SLC1A4: variants seen among roughly 807,000 people sequenced by gnomAD.
SLC1A4 encodes the protein neutral amino acid transporter A.
A neutral mutation model predicts 37.7 loss-of-function variants in SLC1A4; 19 were observed. The observed-to-expected ratio is 0.50, with a 90% confidence interval of 0.35 to 0.74. The LOEUF (loss-of-function observed/expected upper bound fraction) is 0.74. Among genes scored for constraint, SLC1A4 ranks in the 30% least tolerant of loss-of-function variants. The probability of loss-of-function intolerance (pLI) is 0.01; values close to 1 mark genes in which losing one functional copy is unlikely to be tolerated. For synonymous variants in SLC1A4, 299 were observed against 309.8 expected (o/e 0.97, Z 0.37); for missense variants, 570 against 712.9 (o/e 0.80, Z 2.28).
At chr2:64,994,009 T>A (rs1306734020) in intron 1 of SLC1A4, among the ~76,000 whole-genome samples, 5 of 152,192 alleles carry the variant, frequency 3.3e-5, no homozygotes, top group Non-Finnish European at 7.3e-5. Flanking sequence ...AGAAGAGGAA[T>A]GTTTAGGGGA....
chr2:65,018,476 T>C lies in SLC1A4; in HGVS notation c.1230-69T>C. On this transcript the variant is annotated intron_variant, in intron 6 of 7. Coordinates refer to ENST00000234256, the MANE Select transcript of SLC1A4 (RefSeq NM_003038.5). This position sits in a 1 kb window ranked among gnomAD's most constrained non-coding sequence, Gnocchi z 4.3. ...AGTTTCCAGCCACATTGCAGCTGCA[T>C]GGTCTGCATTTCTCTGTGTCCACTC... 6.3e-6 allele frequency: 10 copies of C among 1,583,810 alleles called. No individual in the cohort carries two copies. The highest frequency in any genetic ancestry group is 8.6e-6 in the Non-Finnish European group (10 of 1,162,822).
rs755218346 is a variant in SLC1A4, at chr2:65,016,537, G to A, written c.898G>A (p.Ala300Thr). The A allele has an allele frequency of 8.1e-6, 13 of 1,613,980 alleles. No individual in the cohort carries two copies. Among genetic ancestry groups the A allele is most frequent in the Admixed American group, 3.3e-5 (2 of 60,004 alleles). ...LVTSLGKYIF[A>T]SILGHVIHGG... ...GACCAGCCTGGGGAAATACATCTTCGCATCTATATTGGGCCATGTTATTCA... is the reference window on the plus strand; with the variant it reads ...GACCAGCCTGGGGAAATACATCTTCACATCTATATTGGGCCATGTTATTCA... Residue 300 changes from alanine to threonine, a missense_variant, in exon 5 of 8, where the codon GCA (alanine) becomes ACA (threonine). By Grantham distance (58) the Ala-to-Thr change is moderately conservative (BLOSUM62 0). Transcript: ENST00000234256.
chr2:65,016,394 C>A (rs1484910993), intron 4 of SLC1A4, 46 bp from the exon 5 acceptor site: 1 of 1,481,632 alleles, frequency 6.7e-7, no homozygotes, highest in Non-Finnish European at 9.4e-7. Flanking sequence ...CATCTCTCAC[C>A]CCAGCTTTAT....
chr2:65,009,819 G>A (rs1572961089), intron 3 of SLC1A4, among the ~76,000 whole-genome samples: 2 of 152,178 alleles, frequency 1.3e-5, no homozygotes, highest in Non-Finnish European at 2.9e-5. Flanking sequence ...CATGTTGATC[G>A]TGAAAATCTT....
Position 65,020,968 on chromosome 2 carries a change from T to C in SLC1A4, c.1421T>C (p.Leu474Pro), listed in dbSNP as rs753296772. The C allele has an allele frequency of 8.1e-6, 13 of 1,614,000 alleles. No individual in the cohort carries two copies. Among genetic ancestry groups the C allele is most frequent in the Non-Finnish European group, 5.1e-6 (6 of 1,180,032 alleles). ...GGGGATGCCCTGGGTGCAGGCATTC[T>C]CCACCACCTGAATCAGAAGGCAACA... is the stretch of plus-strand genomic sequence containing the variant. ...VEGDALGAGI[L>P]HHLNQKATKK... The change falls in exon 8 of 8, where the codon CTC (leucine) becomes CCC (proline). Residue 474 changes from leucine to proline, a missense_variant. Leu to Pro is a moderately conservative substitution (Grantham distance 98). Coordinates refer to ENST00000234256, the MANE Select transcript of SLC1A4 (RefSeq NM_003038.5).
chr2:65,017,571 C>T (rs1306082097), intron 5 of SLC1A4, among the ~76,000 whole-genome samples: 2 of 152,080 alleles, frequency 1.3e-5, no homozygotes, highest in East Asian at 3.9e-4. Context: ...CACCAACTAA[C>T]CTCTGCAGAG....
At chr2:64,998,282 G>A (rs376019893) in intron 1 of SLC1A4, among the ~76,000 whole-genome samples, 25 of 151,546 alleles carry the variant, frequency 1.6e-4, no homozygotes, top group East Asian at 5.8e-4. Context: ...TTAGCCGGGC[G>A]TGGTGGTGCA....
intron 1 of SLC1A4, chr2:65,000,640 C>CA (rs1270240713): frequency 2.0e-5 from 3 of 152,148 alleles, no homozygotes; most frequent in African/African-American, 7.2e-5. Flanking sequence ...CAAAGCAAAA[C>CA]AAAAACCACC....
chr2:65,020,493 C>T (rs909585686), intron 7 of SLC1A4, among the ~76,000 whole-genome samples: 2 of 152,178 alleles, frequency 1.3e-5, no homozygotes, highest in Non-Finnish European at 2.9e-5. Context: ...TCTCAAACTC[C>T]TGGCCTTAAA....
Position 65,018,084 on chromosome 2 carries a change from C to T in SLC1A4, c.1048C>T (p.Pro350Ser). ...TCCCATTTCTAGCTCAGCGACCCTT[C>T]CCTCTATGATGAAGTGCATTGAAGA... ...FATCSSSATLPSMMKCIEENN... is the reference protein window; with the variant it reads ...FATCSSSATLSSMMKCIEENN... Residue 350 changes from proline (P) to serine (S), a missense_variant, in exon 6 of 8, where the codon CCC (proline) becomes TCC (serine). By Grantham distance (74) the Pro-to-Ser change is moderately conservative. Coordinates refer to ENST00000234256, the MANE Select transcript of SLC1A4 (RefSeq NM_003038.5). The surrounding 1 kb of genome is among the most constrained non-coding windows in gnomAD (Gnocchi z 4.3). The T allele has an allele frequency of 8.7e-6, 14 of 1,613,278 alleles. No individual in the cohort carries two copies. Among genetic ancestry groups the T allele is most frequent in the Non-Finnish European group, 1.2e-5 (14 of 1,179,356 alleles).
At chr2:64,997,674 G>A (rs1009080299) in intron 1 of SLC1A4, among the ~76,000 whole-genome samples, 4 of 152,160 alleles carry the variant, frequency 2.6e-5, no homozygotes, top group Non-Finnish European at 4.4e-5. Context: ...GTGGTATTCC[G>A]TTGTATGGAG....
chr2:65,013,200 T>C (rs1021427511), intron 4 of SLC1A4, among the ~76,000 whole-genome samples: 1 of 152,174 alleles, frequency 6.6e-6, no homozygotes, highest in African/African-American at 2.4e-5. Flanking sequence ...GATACGTCCA[T>C]GTTAGGACAT....
intron 1 of SLC1A4, chr2:65,000,326 A>G (rs1422017073): frequency 6.6e-6 from 1 of 152,220 alleles, no homozygotes; most frequent in Non-Finnish European, 1.5e-5. Context: ...TAATATCCTT[A>G]ATTCTAAGAT....
chr2:64,995,683 T>TACAATAAATTTTTACA (rs1372392622), intron 1 of SLC1A4, among the ~76,000 whole-genome samples: 42 of 152,242 alleles, frequency 2.8e-4, no homozygotes, highest in Non-Finnish European at 5.7e-4. Context: ...AATAAATATT[T>TACAATAAATTTTTACA]ATCAGGTGTA....
intron 7 of SLC1A4, among the ~76,000 whole-genome samples, chr2:65,019,549 A>T (rs1674323123): frequency 6.6e-6 from 1 of 152,066 alleles, no homozygotes; most frequent in South Asian, 2.1e-4. Context: ...AAAGAAAGAC[A>T]CTCCAGACCA....
At position 65,010,687 on chromosome 2, in the gene SLC1A4, T is replaced by G. The variant is rs939252470; in HGVS notation, c.724T>G (p.Ser242Ala). ...AGGAGTGGCCTTAAAGAAACTAGGCTCCGAAGGAGAAGACCTCATCCGTTT... is the reference window on the plus strand; with the variant it reads ...AGGAGTGGCCTTAAAGAAACTAGGCGCCGAAGGAGAAGACCTCATCCGTTT... ...VLGVALKKLGSEGEDLIRFFN... is the reference protein window; with the variant it reads ...VLGVALKKLGAEGEDLIRFFN... The change falls in exon 4 of 8, where the codon TCC becomes GCC. Residue 242 changes from serine to alanine, a missense_variant. Ser to Ala is a moderately conservative substitution (Grantham distance 99, BLOSUM62 1). Coordinates refer to ENST00000234256, the MANE Select transcript of SLC1A4 (RefSeq NM_003038.5). 3.7e-6 allele frequency: 6 copies of G among 1,614,008 alleles called. No individual in the cohort carries two copies. The African/African-American group carries it at 6.7e-5, about 18-fold the overall frequency.
intron 1 of SLC1A4, among the ~76,000 whole-genome samples, chr2:64,995,500 G>A (rs1011882547): frequency 1.3e-5 from 2 of 152,076 alleles, no homozygotes; most frequent in Admixed American, 6.5e-5. Flanking sequence ...ACCCTTTCCA[G>A]CTGGAATCTA....
At position 65,018,398 on chromosome 2, in the gene SLC1A4, G is replaced by T; in HGVS notation, c.1229+133G>T. 7.3e-7 allele frequency: 1 copy of T among 1,370,364 alleles called. No homozygotes were observed. Among genetic ancestry groups the T allele is most frequent in the Non-Finnish European group, 1.0e-6 (1 of 1,002,928 alleles). 84.9% of individuals were successfully genotyped at this position (1,370,364 alleles called of 1,614,324 possible). A position where few individuals can be genotyped will look rare whatever the true frequency, so the allele number is the denominator to read the frequency against. On this transcript the variant is annotated intron_variant, in intron 6 of 7. Transcript: ENST00000234256. The surrounding 1 kb of genome is among the most constrained non-coding windows in gnomAD (Gnocchi z 4.3). ...AGTGGGGATTCATTACTTGAAGAGC[G>T]TGTGTTGACTCTCAAGGGCGTAGCC...
intron 1 of SLC1A4, chr2:64,994,741 C>A (rs1673186733): frequency 1.3e-5 from 2 of 152,094 alleles, no homozygotes; most frequent in African/African-American, 4.8e-5. Flanking sequence ...TAATATTAGC[C>A]CCCTGTGCTT....
Sources: gnomAD v4.1 joint callset for allele counts (sites outside exome capture counted in the v4.1 genomes callset) on GRCh38, gnomAD v4.1.1 for gene constraint, Gnocchi (gnomAD v3.1) non-coding constraint, MANE v1.5 for transcripts, NCBI Gene and HGNC (gene_info 2026-07-23, HGNC 2026-07-21) for gene names.